Variants in ACVR1C observed in about 807,000 individuals in gnomAD.
ACVR1C encodes the protein activin receptor type-1C.
Under a neutral mutation model 57.9 loss-of-function variants are expected in ACVR1C, and 23 were observed. That is an observed-to-expected ratio of 0.40 (90% CI 0.29 to 0.56). The LOEUF is 0.56. Among genes scored for constraint, ACVR1C ranks in the 20% least tolerant of loss-of-function variants. ACVR1C has a pLI of 0.50. For synonymous variants in ACVR1C, 214 were observed against 215.3 expected (o/e 0.99, Z 0.05); for missense variants, 480 against 607.9 (o/e 0.79, Z 2.21).
intron 1 of ACVR1C, among the ~76,000 whole-genome samples, chr2:157,619,766 G>T (rs541759774): frequency 1.3e-5 from 2 of 152,022 alleles, no homozygotes; most frequent in South Asian, 4.1e-4. Flanking sequence ...GAAAATAACT[G>T]ACAACAAACA....
intron 1 of ACVR1C, among the ~76,000 whole-genome samples, chr2:157,596,069 C>T (rs569048794): frequency 2.6e-5 from 4 of 152,192 alleles, no homozygotes; most frequent in Admixed American, 6.5e-5. Flanking sequence ...TCTGTCAGTG[C>T]GGTAAAATCC....
At chr2:157,610,838 A>C (rs1682515548) in intron 1 of ACVR1C, among the ~76,000 whole-genome samples, 1 of 151,994 alleles carries the variant, frequency 6.6e-6, no homozygotes, top group South Asian at 2.1e-4. Flanking sequence ...TGAAGCTTTC[A>C]AATGTATGTT....
rs541960726 is a variant in ACVR1C at position 157,592,811 on chromosome 2, G to C, written c.74-5394C>G. 2.6e-3 allele frequency among the ~76,000 whole-genome samples: 397 copies of C among 152,160 alleles called. 3 individuals carry two copies. The highest frequency in any genetic ancestry group is 4.6e-3 in the South Asian group (22 of 4,820). On this transcript the variant is annotated intron_variant, in intron 1 of 8. Coordinates refer to ENST00000243349, the MANE Select transcript of ACVR1C (RefSeq NM_145259.3). ...TTCAAAAAAAACTGATGTTCATTGA[G>C]TCAATTATACTACAATATTCTGTGA...
intron 2 of ACVR1C, among the ~76,000 whole-genome samples, chr2:157,578,419 C>T (rs1688713787): frequency 6.6e-6 from 1 of 152,166 alleles, no homozygotes; most frequent in Non-Finnish European, 1.5e-5. Flanking sequence ...CTGACACATC[C>T]AGTATGTCAT....
At chr2:157,566,851 G>T (rs1248315164) in intron 2 of ACVR1C, among the ~76,000 whole-genome samples, 1 of 152,092 alleles carries the variant, frequency 6.6e-6, no homozygotes, top group African/African-American at 2.4e-5. Flanking sequence ...GCTCGAACTG[G>T]GTGGAGCCCA....
intron 4 of ACVR1C, among the ~76,000 whole-genome samples, chr2:157,546,041 C>T (rs1343733396): frequency 6.6e-6 from 1 of 152,132 alleles, no homozygotes; most frequent in Non-Finnish European, 1.5e-5. Context: ...CTTGGCCTCC[C>T]GAAGTGCTGG....
At chr2:157,554,937 T>C (rs1163139033) in intron 3 of ACVR1C, among the ~76,000 whole-genome samples, 3 of 151,806 alleles carry the variant, frequency 2.0e-5, no homozygotes, top group Non-Finnish European at 4.4e-5. Context: ...TCCCCTACCA[T>C]TTTAGGGAGT....
chr2:157,596,441 C>T (rs1682118327), intron 1 of ACVR1C, among the ~76,000 whole-genome samples: 1 of 152,142 alleles, frequency 6.6e-6, no homozygotes, highest in Non-Finnish European at 1.5e-5. Flanking sequence ...ACCCCCGAAC[C>T]ACTAATGTAT....
intron 3 of ACVR1C, among the ~76,000 whole-genome samples, chr2:157,554,225 A>AAGAAAGAG (rs1321432237): frequency 1.5e-4 from 18 of 122,964 alleles, no homozygotes; most frequent in African/African-American, 6.8e-4. Flanking sequence ...GAAAGAAAGA[A>AAGAAAGAG]AGAAAGAAAG....
Position 157,527,052 on chromosome 2 carries a change from AAC to A in ACVR1C, c.*6864_*6865del, listed in dbSNP as rs1358144577. On this transcript the variant is annotated 3_prime_UTR_variant, in exon 9 of 9. Coordinates refer to ENST00000243349, the MANE Select transcript of ACVR1C (RefSeq NM_145259.3). ...TCACTGAGTTTTTAATAAATTCTAAAACACTATTATTTCTAAATAAAATAAGT... is the reference window on the plus strand; with the variant it reads ...TCACTGAGTTTTTAATAAATTCTAAAACTATTATTTCTAAATAAAATAAGT... 2 of 152,168 alleles carry A rather than the reference AAC, an allele frequency of 1.3e-5. No individual in the cohort carries two copies. The highest frequency in any genetic ancestry group is 2.9e-5 in the Non-Finnish European group (2 of 68,020). The allele number at this position is 152,168 out of a possible 1,614,324, so 9.4% of individuals were successfully genotyped here.
chr2:157,563,934 T>C (rs899477869), intron 2 of ACVR1C, among the ~76,000 whole-genome samples: 4 of 152,094 alleles, frequency 2.6e-5, no homozygotes, highest in Admixed American at 6.5e-5. Context: ...TAAAACTGGA[T>C]CCCTTCCTTA....
rs10628650 is a variant in ACVR1C, at chr2:157,576,203, C to CTTTTTTTTTTT, written c.304+10973_304+10983dup. 6.1e-5 allele frequency among the ~76,000 whole-genome samples: 6 copies of CTTTTTTTTTTT among 97,916 alleles called. 1 individual carries two copies. Among genetic ancestry groups the CTTTTTTTTTTT allele is most frequent in the African/African-American group, 4.2e-5 (1 of 23,550 alleles). 64.2% of individuals were successfully genotyped at this position (97,916 alleles called of 152,430 possible). A position where few individuals can be genotyped will look rare whatever the true frequency, so the allele number is the denominator to read the frequency against. On this transcript the variant is annotated intron_variant, in intron 2 of 8. Coordinates refer to ENST00000243349, the MANE Select transcript of ACVR1C (RefSeq NM_145259.3). ...ATTGTGGCTTGAGGAATAATCATTT[C>CTTTTTTTTTTT]TTTTTTTTTTTTTTTTTTTTGGCGA...
At chr2:157,627,277 A>AT (rs1429952859) in intron 1 of ACVR1C, among the ~76,000 whole-genome samples, 2 of 152,110 alleles carry the variant, frequency 1.3e-5, no homozygotes, top group East Asian at 1.9e-4. Context: ...GTTTTCACCC[A>AT]TTTTTTAAAG....
chr2:157,572,312 C>T (rs1195259555), intron 2 of ACVR1C, among the ~76,000 whole-genome samples: 1 of 140,542 alleles, frequency 7.1e-6, no homozygotes, highest in Non-Finnish European at 1.5e-5. Context: ...CACATGTATA[C>T]ATATGTAACT....
At position 157,542,866 on chromosome 2, in the gene ACVR1C, T is replaced by A; in HGVS notation, c.944-4A>T. ...CGATGAGCAATAGCAGGTTTACCTA[T>A]GAAGCAAAGAAGAACATATTCATTT... is the stretch of plus-strand genomic sequence containing the variant. On this transcript the variant is annotated splice_polypyrimidine_tract_variant and splice_region_variant and intron_variant, in intron 5 of 8. Transcript: ENST00000243349. 1 of 1,613,426 alleles carries A rather than the reference T, an allele frequency of 6.2e-7. No homozygotes were observed. Among genetic ancestry groups the A allele is most frequent in the Non-Finnish European group, 8.5e-7 (1 of 1,179,664 alleles).
chr2:157,565,563 C>T (rs1237774924), intron 2 of ACVR1C, among the ~76,000 whole-genome samples: 1 of 152,092 alleles, frequency 6.6e-6, no homozygotes, highest in African/African-American at 2.4e-5. Flanking sequence ...ACCTTATATA[C>T]TGAATAAGGA....
chr2:157,550,069 C>A (rs112293638), intron 4 of ACVR1C, 93 bp downstream of exon 4: 43 of 849,360 alleles, frequency 5.1e-5, no homozygotes, highest in African/African-American at 2.5e-4. Context: ...TTTATTTTTT[C>A]TTATCTGATA....
intron 4 of ACVR1C, among the ~76,000 whole-genome samples, chr2:157,549,192 T>C (rs1687847256): frequency 1.3e-5 from 2 of 151,880 alleles, no homozygotes; most frequent in South Asian, 4.2e-4. Context: ...CTGTCTCTAC[T>C]AAAAATACAA....
At chr2:157,562,293 C>CAA (rs770478516) in intron 2 of ACVR1C, among the ~76,000 whole-genome samples, 3 of 125,180 alleles carry the variant, frequency 2.4e-5, no homozygotes, top group African/African-American at 6.3e-5. Context: ...GACACCGTCT[C>CAA]AAAAAAAAAA....
Sources: allele counts gnomAD v4.1 joint callset (sites outside exome capture counted in the v4.1 genomes callset), GRCh38; gene constraint gnomAD v4.1.1; transcripts MANE v1.5; gene names NCBI Gene and HGNC (gene_info 2026-07-23, HGNC 2026-07-21).